Variants in GRHL1 observed in about 807,000 individuals in gnomAD.
GRHL1 encodes the protein grainyhead like transcription factor 1, also known as grainyhead-like protein 1 homolog.
A neutral mutation model predicts 75.7 loss-of-function variants in GRHL1; 38 were observed. That is an observed-to-expected ratio of 0.50 (90% CI 0.39 to 0.66). The LOEUF (loss-of-function observed/expected upper bound fraction) is 0.66, where lower values mean the gene tolerates loss of function less well. Ranked by LOEUF, GRHL1 falls within the 30% of genes least tolerant of loss-of-function variation. The pLI is 0.00. For synonymous variants in GRHL1, 266 were observed against 279.4 expected (o/e 0.95, Z 0.48); for missense variants, 589 against 767.5 (o/e 0.77, Z 2.75).
rs1345519885 is a variant in GRHL1 at position 9,998,754 on chromosome 2, ACG to A, written c.1678-210_1678-209del. Among the ~76,000 whole-genome samples, 54 of 28,216 alleles carry A rather than the reference ACG, an allele frequency of 1.9e-3. 1 individual carries two copies. Among genetic ancestry groups the A allele is most frequent in the Non-Finnish European group, 1.9e-3 (36 of 18,474 alleles). The allele number at this position is 28,216 out of a possible 152,430, so 18.5% of individuals were successfully genotyped here. On this transcript the variant is annotated intron_variant, in intron 14 of 15. Transcript: ENST00000324907. ...TACGTATATATGTACACACATATATACGTATATATATGTACACACATATATAC... is the reference window on the plus strand; with the variant it reads ...TACGTATATATGTACACACATATATATATATATATGTACACACATATATAC...
intron 3 of GRHL1, chr2:9,960,110 A>G (rs954000920): frequency 6.6e-6 from 1 of 152,236 alleles, no homozygotes; most frequent in African/African-American, 2.4e-5. Flanking sequence ...AGATGTGTCT[A>G]CTGATGCAAT....
intron 7 of GRHL1, 45 bp downstream of exon 7, chr2:9,964,391 T>A: frequency 9.9e-7 from 1 of 1,011,756 alleles, no homozygotes; most frequent in South Asian, 1.4e-5. Context: ...GGTGCAGCCA[T>A]CCAGTTTTCT....
At chr2:9,982,953 C>T (rs1338562941) in intron 8 of GRHL1, among the ~76,000 whole-genome samples, 3 of 152,156 alleles carry the variant, frequency 2.0e-5, no homozygotes, top group South Asian at 4.1e-4. Flanking sequence ...ACTCACCCTG[C>T]CCTTTGACAG....
Position 9,951,850 on chromosome 2 carries a change from A to G in GRHL1, c.17A>G (p.Asp6Gly). The G allele has an allele frequency of 6.6e-7, 1 of 1,504,414 alleles. No homozygotes were observed. Among genetic ancestry groups the G allele is most frequent in the South Asian group, 1.2e-5 (1 of 82,350 alleles). 93.2% of individuals were successfully genotyped at this position (1,504,414 alleles called of 1,614,324 possible). A position where few individuals can be genotyped will look rare whatever the true frequency, so the allele number is the denominator to read the frequency against. MTQEY[D>G]NKRPVLVLQN... Reference sequence around the variant, plus strand: ...GCGGGCGCGATGACACAGGAGTACGACAAGTGAGTGAGGCGCAGGAGTCCG... The same window carrying G: ...GCGGGCGCGATGACACAGGAGTACGGCAAGTGAGTGAGGCGCAGGAGTCCG... Residue 6 changes from aspartate to glycine, a missense_variant, in exon 1 of 16, where the codon GAC (aspartate) becomes GGC (glycine). By Grantham distance (94) the Asp-to-Gly change is moderately conservative (BLOSUM62 -1). Coordinates refer to ENST00000324907, the MANE Select transcript of GRHL1 (RefSeq NM_198182.3). The surrounding 1 kb of genome is among the most constrained non-coding windows in gnomAD (Gnocchi z 4.2).
intron 8 of GRHL1, among the ~76,000 whole-genome samples, chr2:9,978,137 T>TA (rs1202383978): frequency 6.6e-6 from 1 of 152,144 alleles, no homozygotes; most frequent in Non-Finnish European, 1.5e-5. Flanking sequence ...ACGTGGGAGT[T>TA]ATGGGAGCTA....
intron 8 of GRHL1, among the ~76,000 whole-genome samples, chr2:9,982,220 T>G (rs1668226229): frequency 6.6e-6 from 1 of 152,246 alleles, no homozygotes; most frequent in African/African-American, 2.4e-5. Context: ...AAAAATATCT[T>G]AACTCTTTAA....
Position 9,962,521 on chromosome 2 carries a change from A to G in GRHL1, c.736A>G (p.Ser246Gly). ...GMNSEDYVFD[S>G]VSGNNFEYTL... ...GAATTCAGAGGACTATGTTTTTGAC[A>G]GTGTTTCTGGGTAATAGATGTCTTT... is the stretch of plus-strand genomic sequence containing the variant. The change falls in exon 5 of 16, where the codon AGT becomes GGT. Residue 246 changes from serine to glycine, a missense_variant. This residue lies in a region of GRHL1 where 362 missense variants were observed against 461.8 expected (regional missense o/e 0.78). Coordinates refer to ENST00000324907, the MANE Select transcript of GRHL1 (RefSeq NM_198182.3). The G allele has an allele frequency of 6.4e-7, 1 of 1,554,694 alleles. No individual in the cohort carries two copies. The highest frequency in any genetic ancestry group is 8.9e-7 in the Non-Finnish European group (1 of 1,125,802).
intron 14 of GRHL1, among the ~76,000 whole-genome samples, chr2:9,997,053 C>G (rs554855457): frequency 6.6e-6 from 1 of 152,132 alleles, no homozygotes; most frequent in African/African-American, 2.4e-5. Context: ...TCCTAGAGAC[C>G]GTAGAGATCT....
Position 9,961,377 on chromosome 2 carries a change from G to A in GRHL1, c.610G>A (p.Ala204Thr). The change falls in exon 4 of 16, where the codon GCT (alanine) becomes ACT (threonine). Residue 204 changes from alanine (A) to threonine (T), a missense_variant. Transcript: ENST00000324907. Reference sequence around the variant, plus strand: ...CAGCTCTGGTGCTCAAGCCCCAAATGCTCAAAGGCGAACTCCAGACTCGAC... The same window carrying A: ...CAGCTCTGGTGCTCAAGCCCCAAATACTCAAAGGCGAACTCCAGACTCGAC... ...QFSSGAQAPN[A>T]QRRTPDSTFS... 1 of 1,614,128 alleles carries A rather than the reference G, an allele frequency of 6.2e-7. No individual in the cohort carries two copies. Among genetic ancestry groups the A allele is most frequent in the Non-Finnish European group, 8.5e-7 (1 of 1,179,992 alleles).
At chr2:9,986,050 G>C in intron 8 of GRHL1, 74 bp from the exon 9 acceptor site, 1 of 977,142 alleles carries the variant, frequency 1.0e-6, no homozygotes, top group Non-Finnish European at 1.5e-6. Flanking sequence ...TTTCAGTGAT[G>C]TTAATATTTT....
chr2:9,969,914 C>G (rs1313584079), intron 8 of GRHL1, among the ~76,000 whole-genome samples: 1 of 143,544 alleles, frequency 7.0e-6, no homozygotes, highest in Non-Finnish European at 1.5e-5. Flanking sequence ...GCTATCTTGA[C>G]TCACTGCAAG....
At chr2:10,000,282 T>C (rs1042159248) in intron 15 of GRHL1, among the ~76,000 whole-genome samples, 6 of 152,180 alleles carry the variant, frequency 3.9e-5, no homozygotes, top group African/African-American at 1.4e-4. Flanking sequence ...CAAGTACCAT[T>C]TACCAAGTGA....
At position 9,962,482 on chromosome 2, in the gene GRHL1, C is replaced by A; in HGVS notation, c.697C>A (p.Arg233=). The change falls in exon 5 of 16, where the codon CGG becomes AGG. Residue 233 remains arginine (R), a synonymous_variant. Coordinates refer to ENST00000324907, the MANE Select transcript of GRHL1 (RefSeq NM_198182.3). Reference sequence around the variant, plus strand: ...TTTCTTCCCCTCGGATCTCAGTCTGCGGATGCCTGGCATGAATTCAGAGGA... The same window carrying A: ...TTTCTTCCCCTCGGATCTCAGTCTGAGGATGCCTGGCATGAATTCAGAGGA... The part of the protein sequence containing the change: ...EVFFPSDLSL[R]MPGMNSEDYV... 6.2e-7 allele frequency: 1 copy of A among 1,601,354 alleles called. No homozygotes were observed. The highest frequency in any genetic ancestry group is 8.6e-7 in the Non-Finnish European group (1 of 1,168,386).
chr2:9,997,513 C>T (rs1221656679), intron 14 of GRHL1, among the ~76,000 whole-genome samples: 1 of 152,106 alleles, frequency 6.6e-6, no homozygotes, highest in African/African-American at 2.4e-5. Context: ...GATGACCCTT[C>T]ATCATGTCTT....
chr2:9,998,335 G>A (rs923433277), intron 14 of GRHL1, among the ~76,000 whole-genome samples: 19 of 151,264 alleles, frequency 1.3e-4, no homozygotes, highest in African/African-American at 3.9e-4. Context: ...CCGGGCTGAG[G>A]AGAGCTGGAG....
chr2:9,953,147 T>C (rs557027685), intron 1 of GRHL1: 3 of 454,626 alleles, frequency 6.6e-6, no homozygotes, highest in Non-Finnish European at 1.3e-5. Flanking sequence ...TTTGGAAATA[T>C]GAAACACCTT....
chr2:9,964,522 C>G, intron 7 of GRHL1, 176 bp downstream of exon 7: 1 of 559,282 alleles, frequency 1.8e-6, no homozygotes, highest in South Asian at 2.3e-5. Context: ...CTCACCATTG[C>G]TCCCATGCAG....
chr2:9,963,865 G>A (rs1323754595), intron 5 of GRHL1, 21 bp from the exon 6 acceptor site: 1 of 1,590,660 alleles, frequency 6.3e-7, no homozygotes, highest in Non-Finnish European at 8.6e-7. Context: ...TTAGAGACCT[G>A]TGACTTTTTT....
intron 9 of GRHL1, among the ~76,000 whole-genome samples, chr2:9,989,699 T>C (rs934608039): frequency 1.3e-5 from 2 of 151,818 alleles, no homozygotes; most frequent in Non-Finnish European, 2.9e-5. Flanking sequence ...CAGGCATGCA[T>C]CACCACGCCC....
Sources: gnomAD v4.1 joint callset for allele counts (sites outside exome capture counted in the v4.1 genomes callset) on GRCh38, gnomAD v4.1.1 for gene constraint, gnomAD v4.1.1 regional missense constraint, Gnocchi (gnomAD v3.1) non-coding constraint, MANE v1.5 for transcripts, NCBI Gene and HGNC (gene_info 2026-07-23, HGNC 2026-07-21) for gene names.